Variants in SCN1A observed in about 807,000 individuals in gnomAD.
SCN1A encodes the protein sodium channel protein type 1 subunit alpha.
Under a neutral mutation model 193.7 loss-of-function variants are expected in SCN1A, and 13 were observed. The ratio of observed to expected loss-of-function variants is 0.07; its 90% CI spans 0.04 to 0.11. The LOEUF is 0.11. Among genes scored for constraint, SCN1A ranks in the 10% least tolerant of loss-of-function variants. The pLI is 1.00. For synonymous variants in SCN1A, 781 were observed against 843.6 expected, an observed-to-expected ratio of 0.93 and a Z score of 1.29; for missense variants, 1,432 against 2,451.1, an observed-to-expected ratio of 0.58 and a Z score of 8.78.
intron 5 of SCN1A, among the ~76,000 whole-genome samples, chr2:166,057,815 A>T (rs977246107): frequency 1.3e-5 from 2 of 152,058 alleles, no homozygotes; most frequent in Non-Finnish European, 2.9e-5. Context: ...CAAACAAGAT[A>T]CAATCAGAAG....
chr2:166,081,171 G>A (rs1685483119), intron 2 of SCN1A, among the ~76,000 whole-genome samples: 1 of 151,912 alleles, frequency 6.6e-6, no homozygotes, highest in South Asian at 2.1e-4. Context: ...CCCTCAAAGT[G>A]CAGATGGAGG....
At chr2:166,051,492 G>A (rs1698547043) in intron 9 of SCN1A, among the ~76,000 whole-genome samples, 1 of 151,838 alleles carries the variant, frequency 6.6e-6, no homozygotes, top group African/African-American at 2.4e-5. Context: ...CTTTTTTAGA[G>A]GGTGTTTTAT....
chr2:166,055,220 C>A (rs1699009349), intron 6 of SCN1A, among the ~76,000 whole-genome samples: 1 of 149,732 alleles, frequency 6.7e-6, no homozygotes, highest in Non-Finnish European at 1.5e-5. Flanking sequence ...GATAATTTAA[C>A]TTGCTTGGAA....
chr2:166,073,823 G>T, intron 3 of SCN1A, 153 bp from the exon 4 acceptor site: 2 of 606,268 alleles, frequency 3.3e-6, no homozygotes, highest in East Asian at 2.9e-5. Flanking sequence ...TAACACAAAT[G>T]GTTTCTGTGT....
chr2:166,026,809 A>G (rs185584894), intron 19 of SCN1A, among the ~76,000 whole-genome samples: 191 of 148,790 alleles, frequency 1.3e-3, no homozygotes, highest in African/African-American at 3.4e-3. Context: ...TCAGCCTCCC[A>G]AGTAGCTGGG....
chr2:166,095,601 T>A (rs1384662109), intron 2 of SCN1A, among the ~76,000 whole-genome samples: 1 of 152,202 alleles, frequency 6.6e-6, no homozygotes, highest in African/African-American at 2.4e-5. Flanking sequence ...AAAAGAGCCT[T>A]ATTGGTTCTA....
chr2:166,119,718 G>A (rs1259320759), intron 2 of SCN1A, among the ~76,000 whole-genome samples: 1 of 151,924 alleles, frequency 6.6e-6, no homozygotes, highest in Non-Finnish European at 1.5e-5. Context: ...TCAAAATACT[G>A]TACTTTTATT....
rs904226939 is a variant in SCN1A, at chr2:166,036,135, A to C, written c.3342T>G (p.Thr1114=). 2 of 1,614,050 alleles carry C rather than the reference A, an allele frequency of 1.2e-6. No homozygotes were observed. The highest frequency in any genetic ancestry group is 1.7e-6 in the Non-Finnish European group (2 of 1,179,954). ...CAGATTCTCCTACAGCAATTGGTACAGTCACAGTAAGACTGGGGTTGTTTA... is the reference window on the plus strand; with the variant it reads ...CAGATTCTCCTACAGCAATTGGTACCGTCACAGTAAGACTGGGGTTGTTTA... ...SFINNPSLTV[T]VPIAVGESDF... is the part of the protein sequence containing the mutation. The change falls in exon 19 of 29, where the codon ACT becomes ACG. Residue 1114 remains threonine (T), a synonymous_variant. Coordinates refer to ENST00000674923, the MANE Select transcript of SCN1A (RefSeq NM_001165963.4).
At chr2:166,095,951 C>G (rs1019182516) in intron 2 of SCN1A, among the ~76,000 whole-genome samples, 1 of 152,056 alleles carries the variant, frequency 6.6e-6, no homozygotes, top group African/African-American at 2.4e-5. Flanking sequence ...TTGAACCCTC[C>G]CCTAAAAGCA....
At chr2:166,062,996 C>T (rs967090606) in intron 4 of SCN1A, among the ~76,000 whole-genome samples, 16 of 151,958 alleles carry the variant, frequency 1.1e-4, no homozygotes, top group African/African-American at 3.9e-4. Context: ...AAAACAAACC[C>T]CTTTTTACCA....
At position 166,082,125 on chromosome 2, in the gene SCN1A, A is replaced by G. The variant is rs372734548; in HGVS notation, c.-141-4324T>C. ...GTTATTTTAAGAGAATTAGACAAAG[A>G]TAAGTAAATCAAAACCAATAAATGG... On this transcript the variant is annotated intron_variant, in intron 2 of 28. Coordinates refer to ENST00000674923, the MANE Select transcript of SCN1A (RefSeq NM_001165963.4). Among the ~76,000 whole-genome samples, 44 of 152,174 alleles carry G rather than the reference A, an allele frequency of 2.9e-4. No homozygotes were observed. In the South Asian group the frequency reaches 6.2e-3, roughly 21 times the overall value.
In SCN1A at chr2:165,989,794, A is replaced by G. The variant is rs1688893082; in HGVS notation, c.*1451T>C. On this transcript the variant is annotated 3_prime_UTR_variant, in exon 29 of 29. Coordinates refer to ENST00000674923, the MANE Select transcript of SCN1A (RefSeq NM_001165963.4). The stretch of plus-strand genomic sequence containing the variant: ...ATATTTATGTACATAATGCTGAAAA[A>G]TAAAATAAAGTGACTTTTTACAGTA... 6.6e-6 allele frequency: 1 copy of G among 152,586 alleles called. No individual in the cohort carries two copies. Among genetic ancestry groups the G allele is most frequent in the African/African-American group, 2.4e-5 (1 of 41,448 alleles). The allele number at this position is 152,586 out of a possible 1,614,324, so 9.5% of individuals were successfully genotyped here. A position where few individuals can be genotyped will look rare whatever the true frequency, so the allele number is the denominator to read the frequency against.
At chr2:166,073,771 T>G in intron 3 of SCN1A, 101 bp from the exon 4 acceptor site, 1 of 901,312 alleles carries the variant, frequency 1.1e-6, no homozygotes, top group Admixed American at 3.0e-5. Context: ...TTAAAGTCTG[T>G]TTTCTCCTTA....
intron 9 of SCN1A, among the ~76,000 whole-genome samples, chr2:166,051,172 A>G (rs910860691): frequency 6.6e-6 from 1 of 152,030 alleles, no homozygotes; most frequent in Non-Finnish European, 1.5e-5. Flanking sequence ...AAATGATGAT[A>G]AAATAGAAAG....
Position 166,044,047 on chromosome 2 carries a change from A to C in SCN1A, c.1665T>G (p.Ser555=). Residue 555 remains serine, a splice_region_variant and synonymous_variant, in exon 14 of 29, where the codon TCT becomes TCG. Transcript: ENST00000674923. ...YEKRYSSPHQ[S]LLSIRGSLFS... ...ATAGGGAGCCACGGATGCTCAACAA[A>C]GACTAGAAGTTTGAAAGAGCAAACA... The C allele has an allele frequency of 1.9e-6, 3 of 1,614,136 alleles. No individual in the cohort carries two copies. The highest frequency in any genetic ancestry group is 2.5e-6 in the Non-Finnish European group (3 of 1,180,016).
intron 9 of SCN1A, among the ~76,000 whole-genome samples, chr2:166,049,462 T>C (rs6742087): frequency 0.031 from 4,653 of 152,076 alleles, 255 homozygotes; most frequent in African/African-American, 0.1. Flanking sequence ...GTATAACATA[T>C]TCTCACATTT....
intron 2 of SCN1A, among the ~76,000 whole-genome samples, chr2:166,083,191 T>C (rs1685721978): frequency 1.3e-5 from 2 of 152,148 alleles, no homozygotes; most frequent in African/African-American, 2.4e-5. Flanking sequence ...TTTGATTTGG[T>C]GTAATTATAA....
At chr2:166,130,677 T>G (rs1281505857), upstream of SCN1A, among the ~76,000 whole-genome samples, 3 of 152,184 alleles carry the variant, frequency 2.0e-5, no homozygotes, top group Admixed American at 2.0e-4. Context: ...CATAAGGAGA[T>G]AAATGACTAT....
intron 3 of SCN1A, among the ~76,000 whole-genome samples, chr2:166,076,027 T>A (rs2105995515): frequency 6.6e-6 from 1 of 152,102 alleles, no homozygotes; most frequent in East Asian, 1.9e-4. Flanking sequence ...ATCTATAGCA[T>A]CTTTTAAGAC....
Sources: allele counts gnomAD v4.1 joint callset (sites outside exome capture counted in the v4.1 genomes callset), GRCh38; gene constraint gnomAD v4.1.1; transcripts MANE v1.5; gene names NCBI Gene and HGNC (gene_info 2026-07-23, HGNC 2026-07-21).